SLC25A27: variants seen among roughly 807,000 people sequenced by gnomAD.
SLC25A27 encodes mitochondrial uncoupling protein 4.
A neutral mutation model predicts 49.1 loss-of-function variants in SLC25A27; 35 were observed. The observed-to-expected ratio is 0.71, with a 90% CI of 0.54 to 0.95. The LOEUF (loss-of-function observed/expected upper bound fraction) is 0.95, where lower values mean the gene tolerates loss of function less well. Ranked by LOEUF, SLC25A27 falls within the 40% of genes least tolerant of loss-of-function variation. The pLI, the probability that SLC25A27 is intolerant of heterozygous loss-of-function variation, is 0.00. For missense variants in SLC25A27, 339 were observed against 397.1 expected (o/e 0.85, Z 1.24); for synonymous variants, 144 against 136.9 (o/e 1.05, Z -0.36).
chr6:46,667,329 T>C (rs1438061158), intron 5 of SLC25A27, among the ~76,000 whole-genome samples: 1 of 152,200 alleles, frequency 6.6e-6, no homozygotes, highest in Non-Finnish European at 1.5e-5. Context: ...CATCATCGCT[T>C]ACTGGGATTA....
Position 46,662,369 on chromosome 6 carries a change from C to T in SLC25A27, c.384-7C>T. 3.7e-6 allele frequency: 6 copies of T among 1,611,792 alleles called. No individual in the cohort carries two copies. The highest frequency in any genetic ancestry group is 5.1e-6 in the Non-Finnish European group (6 of 1,178,986). ...CAACTTTAAAAAGAATTTCCTTCTG[C>T]AATTAGGAAATCAGTCATTGGAGGG... On this transcript the variant is annotated splice_polypyrimidine_tract_variant and splice_region_variant and intron_variant, in intron 3 of 8. Transcript: ENST00000371347.
At chr6:46,664,039 A>C (rs1367909005) in intron 4 of SLC25A27, among the ~76,000 whole-genome samples, 3 of 152,198 alleles carry the variant, frequency 2.0e-5, no homozygotes, top group Non-Finnish European at 4.4e-5. Context: ...GTGTCCAATA[A>C]ATATGTGATA....
chr6:46,662,600 T>C (rs1181959116), intron 4 of SLC25A27, 102 bp downstream of exon 4: 5 of 1,267,198 alleles, frequency 3.9e-6, no homozygotes, highest in African/African-American at 1.5e-5. Flanking sequence ...AGTAAAGATA[T>C]TACTTCTGAC....
At chr6:46,670,014 G>T in intron 6 of SLC25A27, 121 bp from the exon 7 acceptor site, 1 of 562,170 alleles carries the variant, frequency 1.8e-6, no homozygotes, top group Non-Finnish European at 3.0e-6. Context: ...TAAGCAAAAA[G>T]AGCATTATGA....
intron 3 of SLC25A27, among the ~76,000 whole-genome samples, chr6:46,659,399 T>C (rs1256669450): frequency 6.6e-6 from 1 of 152,178 alleles, no homozygotes; most frequent in Non-Finnish European, 1.5e-5. Flanking sequence ...GCTTCACCTT[T>C]TTTATCTTCA....
chr6:46,661,605 A>C (rs1329843698), intron 3 of SLC25A27, among the ~76,000 whole-genome samples: 1 of 152,222 alleles, frequency 6.6e-6, no homozygotes, highest in African/African-American at 2.4e-5. Context: ...GTCATAACTT[A>C]GTGTTTAAGA....
At chr6:46,671,067 A>G (rs991418624) in intron 7 of SLC25A27, 59 bp from the exon 8 acceptor site, 3 of 1,135,690 alleles carry the variant, frequency 2.6e-6, no homozygotes, top group Non-Finnish European at 3.9e-6. Context: ...GACAATTTTT[A>G]TGTACATATA....
In SLC25A27 at chr6:46,671,118, C is replaced by T; in HGVS notation, c.798-8C>T. ...AAAAAAATTAAAAGGATCTTGTTTC[C>T]TTTTTAGGGGACTTTTGTATAAATC... On this transcript the variant is annotated splice_region_variant and splice_polypyrimidine_tract_variant and intron_variant, in intron 7 of 8. Coordinates refer to ENST00000371347, the MANE Select transcript of SLC25A27 (RefSeq NM_004277.5). 6.4e-7 allele frequency: 1 copy of T among 1,562,644 alleles called. No homozygotes were observed. The highest frequency in any genetic ancestry group is 8.7e-7 in the Non-Finnish European group (1 of 1,149,714).
intron 2 of SLC25A27, chr6:46,658,488 T>G (rs1016110239): frequency 2.2e-6 from 1 of 446,918 alleles, no homozygotes; most frequent in African/African-American, 2.0e-5. Context: ...CCAATGAAAT[T>G]ATGTATCTTT....
chr6:46,661,020 C>A (rs1329930791), intron 3 of SLC25A27, among the ~76,000 whole-genome samples: 1 of 152,022 alleles, frequency 6.6e-6, no homozygotes, highest in African/African-American at 2.4e-5. Flanking sequence ...GTATGGTATG[C>A]CAGTCTTATA....
intron 2 of SLC25A27, among the ~76,000 whole-genome samples, chr6:46,656,619 A>G (rs2150632382): frequency 6.6e-6 from 1 of 152,246 alleles, no homozygotes; most frequent in African/African-American, 2.4e-5. Flanking sequence ...GGGTTTCACC[A>G]TATTGATCAG....
chr6:46,670,385 A>G, intron 7 of SLC25A27, 158 bp downstream of exon 7: 2 of 580,166 alleles, frequency 3.4e-6, no homozygotes, highest in South Asian at 4.4e-5. Context: ...CTCTTTGATG[A>G]AAAAGTGACA....
At position 46,676,471 on chromosome 6, in the gene SLC25A27, C is replaced by A. The variant is rs1199073124; in HGVS notation, c.*17C>A. On this transcript the variant is annotated 3_prime_UTR_variant, in exon 9 of 9. Transcript: ENST00000371347. ...CCATTTTAAACCCCTAAAGATGCAA[C>A]CCTTAAAGATACAGTGTTCAGTATT... 6.2e-7 allele frequency: 1 copy of A among 1,613,516 alleles called. No individual in the cohort carries two copies. Among genetic ancestry groups the A allele is most frequent in the Non-Finnish European group, 8.5e-7 (1 of 1,179,594 alleles).
chr6:46,669,295 G>A (rs1763433839), intron 6 of SLC25A27, among the ~76,000 whole-genome samples: 1 of 152,210 alleles, frequency 6.6e-6, no homozygotes. Context: ...CACAAAGGAG[G>A]TAGAAATAGA....
chr6:46,658,120 A>G (rs1423211141), intron 2 of SLC25A27, among the ~76,000 whole-genome samples: 1 of 152,164 alleles, frequency 6.6e-6, no homozygotes, highest in Non-Finnish European at 1.5e-5. Flanking sequence ...TAATTTCTAA[A>G]ATTTGCTGGC....
intron 1 of SLC25A27, among the ~76,000 whole-genome samples, chr6:46,654,372 T>G (rs573214992): frequency 4.9e-4 from 75 of 152,232 alleles, no homozygotes; most frequent in Non-Finnish European, 9.0e-4. Context: ...TTTTTTAATG[T>G]CTCTCCTTTC....
At chr6:46,657,171 A>G (rs917083245) in intron 2 of SLC25A27, among the ~76,000 whole-genome samples, 2 of 152,168 alleles carry the variant, frequency 1.3e-5, no homozygotes, top group African/African-American at 2.4e-5. Context: ...ATCTCTAAAA[A>G]TATTAAATTG....
chr6:46,667,200 T>A (rs773874272), intron 5 of SLC25A27, among the ~76,000 whole-genome samples: 13 of 152,212 alleles, frequency 8.5e-5, no homozygotes, highest in Admixed American at 2.0e-4. Context: ...ACTCAAAACC[T>A]TGCAGTTGTT....
intron 3 of SLC25A27, among the ~76,000 whole-genome samples, chr6:46,659,621 A>G (rs928848346): frequency 6.6e-6 from 1 of 152,198 alleles, no homozygotes; most frequent in African/African-American, 2.4e-5. Flanking sequence ...TGGAAGGCCA[A>G]GGTGGGCAGA....
Sources: allele counts gnomAD v4.1 joint callset (sites outside exome capture counted in the v4.1 genomes callset), GRCh38; gene constraint gnomAD v4.1.1; transcripts MANE v1.5; gene names NCBI Gene and HGNC (gene_info 2026-07-23, HGNC 2026-07-21).